Variants in UROC1 observed in about 807,000 individuals in gnomAD.
The protein encoded by UROC1 is urocanate hydratase.
UROC1 carries 79 observed loss-of-function variants against 89.5 expected under a neutral mutation model. The observed-to-expected ratio is 0.88, with a 90% CI of 0.74 to 1.06. The LOEUF (loss-of-function observed/expected upper bound fraction) is 1.06, where lower values mean the gene tolerates loss of function less well. Ranked by LOEUF, UROC1 falls within the 50% of genes least tolerant of loss-of-function variation. The pLI, the probability that UROC1 is intolerant of heterozygous loss-of-function variation, is 0.00. For synonymous variants in UROC1, 361 were observed against 354.8 expected (o/e 1.02, Z -0.20); for missense variants, 885 against 907.8 (o/e 0.97, Z 0.32).
intron 1 of UROC1, among the ~76,000 whole-genome samples, chr3:126,514,822 T>C (rs749318563): frequency 2.6e-5 from 4 of 152,026 alleles, no homozygotes; most frequent in Non-Finnish European, 4.4e-5. Flanking sequence ...CCTGGTGTCA[T>C]TGTTTTCATC....
chr3:126,515,293 C>T (rs1032950733), intron 1 of UROC1, among the ~76,000 whole-genome samples: 3 of 151,932 alleles, frequency 2.0e-5, no homozygotes, highest in Non-Finnish European at 4.4e-5. Context: ...ACATTAACAA[C>T]ACCTGGACAA....
intron 17 of UROC1, 120 bp downstream of exon 17, chr3:126,489,156 C>T (rs536430429): frequency 3.0e-6 from 3 of 994,152 alleles, no homozygotes; most frequent in East Asian, 2.5e-5. Context: ...GTTGGTCACT[C>T]TATGCCGAGC....
At chr3:126,510,952 C>T (rs1936182026) in intron 1 of UROC1, among the ~76,000 whole-genome samples, 158 bp from the exon 2 acceptor site, 1 of 152,196 alleles carries the variant, frequency 6.6e-6, no homozygotes, top group Non-Finnish European at 1.5e-5. Context: ...GGCCCATCTA[C>T]AGTGTCACCT....
At chr3:126,498,206 G>T (rs578004888) in intron 13 of UROC1, 34 bp from the exon 14 acceptor site, 6 of 1,613,312 alleles carry the variant, frequency 3.7e-6, no homozygotes, top group Non-Finnish European at 5.1e-6. Flanking sequence ...CCCTGGGCCC[G>T]CTGGCTTGTT....
rs1935405352 is a variant in UROC1 at position 126,482,259 on chromosome 3, G to A, written c.*86C>T. ...ATGTGCGAGAAGTGCAGGTAGTGCG[G>A]GTGTGCAGGAAGGGTGTGTGCCATG... On this transcript the variant is annotated 3_prime_UTR_variant, in exon 20 of 20. Transcript: ENST00000290868. The A allele has an allele frequency of 2.5e-6, 4 of 1,574,342 alleles. No homozygotes were observed. Among genetic ancestry groups the A allele is most frequent in the Non-Finnish European group, 3.5e-6 (4 of 1,152,814 alleles).
intron 18 of UROC1, among the ~76,000 whole-genome samples, chr3:126,486,537 G>A (rs533411641): frequency 5.9e-5 from 9 of 152,344 alleles, no homozygotes; most frequent in Non-Finnish European, 8.8e-5. Flanking sequence ...GACGGCAAAT[G>A]GGCAATCAGG....
chr3:126,496,630 C>T (rs1935783239), intron 14 of UROC1, among the ~76,000 whole-genome samples: 1 of 152,220 alleles, frequency 6.6e-6, no homozygotes, highest in Non-Finnish European at 1.5e-5. Flanking sequence ...CCTGGCCAAG[C>T]TCACGGAGTA....
intron 8 of UROC1, 40 bp from the exon 9 acceptor site, chr3:126,504,123 C>G (rs750919554): frequency 1.2e-6 from 2 of 1,605,722 alleles, no homozygotes; most frequent in African/African-American, 1.3e-5. Context: ...CATGGGGCCA[C>G]CCGGTTACAA....
intron 8 of UROC1, among the ~76,000 whole-genome samples, chr3:126,505,427 C>CGGTCAGAGTTTTGT (rs1281466130): frequency 6.6e-6 from 1 of 152,118 alleles, no homozygotes; most frequent in Non-Finnish European, 1.5e-5. Context: ...CATAAATAGA[C>CGGTCAGAGTTTTGT]GGTCAGAGTT....
chr3:126,500,323 A>T (rs1935888634), intron 11 of UROC1, among the ~76,000 whole-genome samples, 169 bp from the exon 12 acceptor site: 1 of 152,050 alleles, frequency 6.6e-6, no homozygotes, highest in South Asian at 2.1e-4. Flanking sequence ...TGCCCCTGTC[A>T]TCTGTTTAGA....
intron 14 of UROC1, among the ~76,000 whole-genome samples, chr3:126,496,524 G>A (rs1421222405): frequency 3.3e-5 from 5 of 152,134 alleles, no homozygotes; most frequent in South Asian, 4.1e-4. Flanking sequence ...GGAAGGAACC[G>A]GACAAGGAAG....
intron 2 of UROC1, among the ~76,000 whole-genome samples, chr3:126,510,152 A>C (rs1054316456): frequency 5.3e-5 from 8 of 152,206 alleles, no homozygotes; most frequent in African/African-American, 1.9e-4. Context: ...AATGAACTGC[A>C]GAAACGCAGA....
At chr3:126,488,534 C>G (rs1318787940) in intron 17 of UROC1, among the ~76,000 whole-genome samples, 1 of 152,224 alleles carries the variant, frequency 6.6e-6, no homozygotes, top group Non-Finnish European at 1.5e-5. Context: ...TAAAGCACTC[C>G]GGAAGCAGAG....
At chr3:126,484,279 C>T (rs940975) in intron 18 of UROC1, among the ~76,000 whole-genome samples, 60,440 of 152,064 alleles carry the variant, frequency 0.4, 13,151 homozygotes, top group Middle Eastern at 0.52. Flanking sequence ...TGGAGCTGTT[C>T]CCCATCAGCC....
chr3:126,495,116 G>A (rs1935747611), intron 15 of UROC1, among the ~76,000 whole-genome samples: 1 of 152,086 alleles, frequency 6.6e-6, no homozygotes, highest in African/African-American at 2.4e-5. Context: ...TATTTGTTGA[G>A]TAACAGGATG....
intron 15 of UROC1, 54 bp downstream of exon 15, chr3:126,495,984 G>C: frequency 6.4e-7 from 1 of 1,567,344 alleles, no homozygotes; most frequent in Non-Finnish European, 8.7e-7. Flanking sequence ...CTCACCTTTG[G>C]GCAGTCTTCT....
intron 15 of UROC1, among the ~76,000 whole-genome samples, chr3:126,493,277 C>A (rs57368003): frequency 6.6e-6 from 1 of 152,154 alleles, no homozygotes; most frequent in Non-Finnish European, 1.5e-5. Context: ...CAACGGCCCC[C>A]GTGATGAAGA....
intron 18 of UROC1, 75 bp from the exon 19 acceptor site, chr3:126,483,543 T>C: frequency 7.1e-7 from 1 of 1,410,494 alleles, no homozygotes; most frequent in Non-Finnish European, 9.9e-7. Context: ...GCCCATGTTT[T>C]GGAAGCATTG....
intron 19 of UROC1, among the ~76,000 whole-genome samples, 199 bp from the exon 20 acceptor site, chr3:126,482,684 C>T (rs1356918175): frequency 1.3e-5 from 2 of 152,102 alleles, no homozygotes; most frequent in African/African-American, 2.4e-5. Flanking sequence ...CTGAAACTGG[C>T]GGTCATCACA....
Sources: gnomAD v4.1 joint callset for allele counts (sites outside exome capture counted in the v4.1 genomes callset) on GRCh38, gnomAD v4.1.1 for gene constraint, MANE v1.5 for transcripts, NCBI Gene and HGNC (gene_info 2026-07-23, HGNC 2026-07-21) for gene names.